KCNK3: variants seen among roughly 807,000 people sequenced by gnomAD.
KCNK3 encodes potassium two pore domain channel subfamily K member 3.
In KCNK3, 9 loss-of-function variants were observed where a neutral mutation model predicts 27.3. The ratio of observed to expected loss-of-function variants is 0.33; its 90% CI spans 0.20 to 0.57. The LOEUF is 0.57. Ranked by LOEUF, KCNK3 falls within the 20% of genes least tolerant of loss-of-function variation. The probability of loss-of-function intolerance (pLI) is 0.87; values close to 1 mark genes in which losing one functional copy is unlikely to be tolerated. For synonymous variants in KCNK3, 278 were observed against 273.8 expected (o/e 1.02, Z -0.15); for missense variants, 391 against 577.7 (o/e 0.68, Z 3.31).
intron 1 of KCNK3, among the ~76,000 whole-genome samples, chr2:26,711,713 C>T (rs575848677): frequency 6.6e-6 from 1 of 152,364 alleles, no homozygotes; most frequent in East Asian, 1.9e-4. Context: ...TATATTAGCT[C>T]GCTTAGAGCA....
intron 1 of KCNK3, among the ~76,000 whole-genome samples, chr2:26,724,020 C>T (rs1007782001): frequency 2.0e-5 from 3 of 152,186 alleles, no homozygotes; most frequent in Admixed American, 1.3e-4. Context: ...TAAAGCCAAG[C>T]GCGACATGGG....
At chr2:26,719,953 A>G (rs1405441648) in intron 1 of KCNK3, among the ~76,000 whole-genome samples, 1 of 152,148 alleles carries the variant, frequency 6.6e-6, no homozygotes, top group Non-Finnish European at 1.5e-5. Context: ...TCTCAGCCTC[A>G]GTTTACCCAT....
At position 26,731,217 on chromosome 2, in the gene KCNK3, C is replaced by G. The variant is rs1044568071; in HGVS notation, c.*2649C>G. The G allele has an allele frequency of 2.0e-5, 3 of 152,452 alleles. No individual in the cohort carries two copies. Among genetic ancestry groups the G allele is most frequent in the Admixed American group, 2.0e-4 (3 of 15,306 alleles). 9.4% of individuals were successfully genotyped at this position (152,452 alleles called of 1,614,324 possible). On this transcript the variant is annotated 3_prime_UTR_variant, in exon 2 of 2. Coordinates refer to ENST00000302909, the MANE Select transcript of KCNK3 (RefSeq NM_002246.3). ...GACCAGGCTCAGGCTCCAGCTGCCT[C>G]TGTCATCGTATGCCCTTGCTGCTGC...
intron 1 of KCNK3, among the ~76,000 whole-genome samples, chr2:26,708,202 G>A (rs1206427758): frequency 2.6e-5 from 4 of 152,346 alleles, no homozygotes; most frequent in African/African-American, 9.6e-5. Context: ...AGAAGGCAGA[G>A]GTGGGAGAAC....
chr2:26,695,395 T>G (rs1166520272), intron 1 of KCNK3, among the ~76,000 whole-genome samples: 1 of 152,098 alleles, frequency 6.6e-6, no homozygotes, highest in Non-Finnish European at 1.5e-5. Flanking sequence ...CTCTACCTTC[T>G]ATTTATCTTG....
chr2:26,703,633 G>A (rs148337864), intron 1 of KCNK3, among the ~76,000 whole-genome samples: 8 of 152,162 alleles, frequency 5.3e-5, no homozygotes, highest in South Asian at 2.1e-4. Flanking sequence ...GAGATGTCCC[G>A]AAATCTCCTG....
intron 1 of KCNK3, among the ~76,000 whole-genome samples, chr2:26,709,181 T>C (rs1379504764): frequency 6.6e-6 from 1 of 152,182 alleles, no homozygotes; most frequent in Non-Finnish European, 1.5e-5. Flanking sequence ...CAGCCTAATT[T>C]TGAGATGCTC....
Position 26,728,022 on chromosome 2 carries a change from C to A in KCNK3, c.639C>A (p.Ala213=). 2 of 1,614,248 alleles carry A rather than the reference C, an allele frequency of 1.2e-6. No homozygotes were observed. Among genetic ancestry groups the A allele is most frequent in the East Asian group, 4.5e-5 (2 of 44,882 alleles). ...GDYVALQKDQ[A]LQTQPQYVAF... ...ACGTGGCGCTGCAGAAGGACCAGGC[C>A]CTGCAGACGCAGCCGCAGTACGTGG... The change falls in exon 2 of 2, where the codon GCC becomes GCA. Residue 213 remains alanine (A), a synonymous_variant. Coordinates refer to ENST00000302909, the MANE Select transcript of KCNK3 (RefSeq NM_002246.3).
intron 1 of KCNK3, among the ~76,000 whole-genome samples, chr2:26,725,101 C>T (rs1254474447): frequency 6.6e-6 from 1 of 152,126 alleles, no homozygotes; most frequent in African/African-American, 2.4e-5. Flanking sequence ...CGGCCTATGA[C>T]AAACACAGGA....
At chr2:26,709,377 G>A (rs998565722) in intron 1 of KCNK3, among the ~76,000 whole-genome samples, 4 of 152,188 alleles carry the variant, frequency 2.6e-5, no homozygotes, top group Non-Finnish European at 2.9e-5. Context: ...CTCCAGTGCT[G>A]GGAGGTCAAG....
At chr2:26,725,318 T>C (rs1663396540) in intron 1 of KCNK3, among the ~76,000 whole-genome samples, 1 of 152,178 alleles carries the variant, frequency 6.6e-6, no homozygotes, top group South Asian at 2.1e-4. Context: ...TGCAGAGGGC[T>C]CTGGCGGGCA....
intron 1 of KCNK3, among the ~76,000 whole-genome samples, chr2:26,708,228 G>C (rs1402719654): frequency 6.6e-6 from 1 of 152,180 alleles, no homozygotes; most frequent in Non-Finnish European, 1.5e-5. Context: ...TCTGGGCAGG[G>C]GAAGAGCAGA....
chr2:26,700,945 C>T (rs1290411624), intron 1 of KCNK3, among the ~76,000 whole-genome samples: 1 of 152,156 alleles, frequency 6.6e-6, no homozygotes, highest in Admixed American at 6.5e-5. Flanking sequence ...ATGCAGAGTT[C>T]TCTAAGTCAA....
At chr2:26,724,379 C>G (rs775420768) in intron 1 of KCNK3, 16 of 154,996 alleles carry the variant, frequency 1.0e-4, no homozygotes, top group Non-Finnish European at 1.6e-4. Context: ...CCTGGTCGCC[C>G]TTCCTGGGTG....
Position 26,732,325 on chromosome 2 carries a change from A to G in KCNK3, c.*3757A>G, listed in dbSNP as rs1332819981. The G allele has an allele frequency of 6.6e-6, 1 of 152,216 alleles. No individual in the cohort carries two copies. Among genetic ancestry groups the G allele is most frequent in the Non-Finnish European group, 1.5e-5 (1 of 68,034 alleles). The allele number at this position is 152,216 out of a possible 1,614,324, so 9.4% of individuals were successfully genotyped here. A position where few individuals can be genotyped will look rare whatever the true frequency, so the allele number is the denominator to read the frequency against. ...ATTCTAATACGTTCTGTTCTATTGC[A>G]TGTTATAAAATGCTGGTCACGATCC... On this transcript the variant is annotated 3_prime_UTR_variant, in exon 2 of 2. Coordinates refer to ENST00000302909, the MANE Select transcript of KCNK3 (RefSeq NM_002246.3).
chr2:26,709,033 T>C (rs1480536722), intron 1 of KCNK3, among the ~76,000 whole-genome samples: 1 of 151,460 alleles, frequency 6.6e-6, no homozygotes, highest in Non-Finnish European at 1.5e-5. Flanking sequence ...GCTGTAGGAG[T>C]TGGGGGAAGA....
At chr2:26,706,234 G>A (rs1226296790) in intron 1 of KCNK3, among the ~76,000 whole-genome samples, 1 of 152,190 alleles carries the variant, frequency 6.6e-6, no homozygotes, top group Non-Finnish European at 1.5e-5. Flanking sequence ...CCTGGGGTGA[G>A]CCAGGTGGCC....
In KCNK3 at chr2:26,729,536, A is replaced by G. The variant is rs1663497745; in HGVS notation, c.*968A>G. 6.6e-6 allele frequency: 1 copy of G among 152,328 alleles called. No individual in the cohort carries two copies. The highest frequency in any genetic ancestry group is 6.6e-5 in the Admixed American group (1 of 15,250). 9.4% of individuals were successfully genotyped at this position (152,328 alleles called of 1,614,324 possible). Reference sequence around the variant, plus strand: ...TGGACAGGTGAAGTGACCAGAGAGCAAAAGGCAAAGGGGTGGGGGCTGGGT... The same window carrying G: ...TGGACAGGTGAAGTGACCAGAGAGCGAAAGGCAAAGGGGTGGGGGCTGGGT... On this transcript the variant is annotated 3_prime_UTR_variant, in exon 2 of 2. Transcript: ENST00000302909.
Position 26,692,889 on chromosome 2 carries a change from A to G in KCNK3, c.14A>G (p.Asn5Ser). The G allele has an allele frequency of 7.2e-7, 1 of 1,398,072 alleles. No homozygotes were observed. Among genetic ancestry groups the G allele is most frequent in the East Asian group, 3.1e-5 (1 of 32,430 alleles). 86.6% of individuals were successfully genotyped at this position (1,398,072 alleles called of 1,614,324 possible). MKRQNVRTLALIVCT... is the reference protein window; with the variant it reads MKRQSVRTLALIVCT... ...CCGGGCGGGACGATGAAGCGGCAGA[A>G]CGTGCGCACGCTGGCGCTCATCGTG... Residue 5 changes from asparagine to serine, a missense_variant, in exon 1 of 2, where the codon AAC becomes AGC. This residue lies in a region of KCNK3 where 158 missense variants were observed against 267.7 expected (regional missense o/e 0.59). Coordinates refer to ENST00000302909, the MANE Select transcript of KCNK3 (RefSeq NM_002246.3). The surrounding 1 kb of genome is among the most constrained non-coding windows in gnomAD (Gnocchi z 5.6).
Sources: allele counts gnomAD v4.1 joint callset (sites outside exome capture counted in the v4.1 genomes callset), GRCh38; gene constraint gnomAD v4.1.1; regional missense constraint gnomAD v4.1.1; non-coding constraint Gnocchi (gnomAD v3.1); transcripts MANE v1.5; gene names NCBI Gene and HGNC (gene_info 2026-07-23, HGNC 2026-07-21).